MSH3: variants seen among roughly 807,000 people sequenced by gnomAD.
The protein encoded by MSH3 is mutS homolog 3.
A neutral mutation model predicts 123.3 loss-of-function variants in MSH3; 106 were observed. The observed-to-expected ratio is 0.86, with a 90% CI of 0.73 to 1.01. The LOEUF is 1.01. MSH3 is among the 50% of genes least tolerant of loss of function. The pLI, the probability that MSH3 is intolerant of heterozygous loss-of-function variation, is 0.00. For missense variants in MSH3, 1,459 were observed against 1,347.6 expected (o/e 1.08, Z -1.29); for synonymous variants, 515 against 481.4 (o/e 1.07, Z -0.91).
At chr5:80,772,725 C>T (rs755299796) in intron 15 of MSH3, among the ~76,000 whole-genome samples, 17 of 152,002 alleles carry the variant, frequency 1.1e-4, no homozygotes, top group Non-Finnish European at 2.4e-4. Flanking sequence ...CCTGTTCATT[C>T]TTAGAATGTT....
rs1750913417 is a variant in MSH3, at chr5:80,714,236, A to G, written c.1341-11217A>G. On this transcript the variant is annotated intron_variant, in intron 8 of 23. Coordinates refer to ENST00000265081, the MANE Select transcript of MSH3 (RefSeq NM_002439.5). Reference sequence around the variant, plus strand: ...CTGTAACCTCCGCCTCCCGGGTTCAAGCGATTCTCCTGCCTCAGCCTCCCG... The same window carrying G: ...CTGTAACCTCCGCCTCCCGGGTTCAGGCGATTCTCCTGCCTCAGCCTCCCG... Among the ~76,000 whole-genome samples the G allele has an allele frequency of 2.0e-5, 3 of 149,628 alleles. No individual in the cohort carries two copies. In the Admixed American group the frequency reaches 2.0e-4, roughly 10 times the overall value.
intron 19 of MSH3, among the ~76,000 whole-genome samples, chr5:80,805,035 T>C (rs1410883398): frequency 6.6e-6 from 1 of 152,244 alleles, no homozygotes; most frequent in Non-Finnish European, 1.5e-5. Context: ...ATGTTTGTTT[T>C]CTGATACATT....
chr5:80,772,566 C>T (rs767047207), intron 15 of MSH3, among the ~76,000 whole-genome samples: 1 of 152,142 alleles, frequency 6.6e-6, no homozygotes, highest in African/African-American at 2.4e-5. Context: ...TCAAGGCAGA[C>T]TACTCACATC....
chr5:80,778,491 T>A (rs565857408), intron 16 of MSH3, among the ~76,000 whole-genome samples: 1 of 152,314 alleles, frequency 6.6e-6, no homozygotes, highest in East Asian at 1.9e-4. Context: ...AACTCTGACT[T>A]TGCTATATGG....
At chr5:80,833,381 G>T (rs926950621) in intron 20 of MSH3, among the ~76,000 whole-genome samples, 3 of 152,104 alleles carry the variant, frequency 2.0e-5, no homozygotes, top group Non-Finnish European at 4.4e-5. Flanking sequence ...TAACATCATT[G>T]TCTAGTATAG....
chr5:80,788,827 A>C (rs1355340287), intron 18 of MSH3, among the ~76,000 whole-genome samples: 4 of 151,904 alleles, frequency 2.6e-5, no homozygotes, highest in Non-Finnish European at 5.9e-5. Flanking sequence ...AGAGAGATAG[A>C]ATTTAAAAAA....
intron 8 of MSH3, among the ~76,000 whole-genome samples, chr5:80,712,860 C>T (rs1283126478): frequency 2.0e-5 from 3 of 151,964 alleles, no homozygotes; most frequent in Admixed American, 1.3e-4. Context: ...TGGTTGTTCC[C>T]TACTGTGAGC....
chr5:80,762,443 A>G (rs1295791848), intron 13 of MSH3, among the ~76,000 whole-genome samples: 1 of 151,686 alleles, frequency 6.6e-6, no homozygotes, highest in East Asian at 1.9e-4. Context: ...GTATATATAT[A>G]TGTATATATA....
intron 19 of MSH3, among the ~76,000 whole-genome samples, chr5:80,810,172 C>CATACATATATATATATATATATAT (rs375421949): frequency 3.3e-5 from 4 of 121,588 alleles, no homozygotes; most frequent in African/African-American, 9.7e-5. Flanking sequence ...GTTTGACATA[C>CATACATATATATATATATATATAT]ATATATATAT....
At position 80,813,750 on chromosome 5, in the gene MSH3, G is replaced by A. The variant is rs369244653; in HGVS notation, c.2813+9G>A. 25 of 1,613,832 alleles carry A rather than the reference G, an allele frequency of 1.5e-5. No individual in the cohort carries two copies. In the Middle Eastern group the frequency reaches 2.0e-3, roughly 127 times the overall value. On this transcript the variant is annotated intron_variant, in intron 20 of 23. Coordinates refer to ENST00000265081, the MANE Select transcript of MSH3 (RefSeq NM_002439.5). ...GATGGCATTTTCACAAGGTAAGTAC[G>A]TTAATTCAGCTTGCATATATTCTTG... is the stretch of plus-strand genomic sequence containing the variant.
chr5:80,818,426 G>T (rs958151058), intron 20 of MSH3, among the ~76,000 whole-genome samples: 3 of 133,276 alleles, frequency 2.3e-5, no homozygotes, highest in South Asian at 2.5e-4. Context: ...AAAAAAAGGT[G>T]GGGGAGAGAG....
At chr5:80,700,493 T>C (rs1456982449) in intron 8 of MSH3, among the ~76,000 whole-genome samples, 1 of 152,214 alleles carries the variant, frequency 6.6e-6, no homozygotes, top group Non-Finnish European at 1.5e-5. Flanking sequence ...AAAAAATCTG[T>C]CATTTTGAAA....
intron 8 of MSH3, among the ~76,000 whole-genome samples, chr5:80,690,579 A>G (rs1750207714): frequency 6.6e-6 from 1 of 152,124 alleles, no homozygotes; most frequent in South Asian, 2.1e-4. Flanking sequence ...TGGCCTCCAA[A>G]TTGCTGGGAT....
In MSH3 at chr5:80,768,010, T is replaced by G. The variant is rs1245950359; in HGVS notation, c.1974T>G (p.Ala658=). The part of the protein sequence containing the change: ...LKSEFQAIIP[A]VNSHIQSDLL... ...CAGAATTTCAAGCAATAATACCTGC[T>G]GTTAATTCCCACATTCAGTCAGACT... Residue 658 remains alanine, a synonymous_variant, in exon 14 of 24, where the codon GCT becomes GCG. Transcript: ENST00000265081. The G allele has an allele frequency of 1.9e-6, 3 of 1,613,564 alleles. No homozygotes were observed. The highest frequency in any genetic ancestry group is 2.5e-6 in the Non-Finnish European group (3 of 1,179,680).
chr5:80,721,355 G>A (rs1382174593), intron 8 of MSH3, among the ~76,000 whole-genome samples: 1 of 152,094 alleles, frequency 6.6e-6, no homozygotes, highest in East Asian at 1.9e-4. Context: ...TGCATCACTG[G>A]TTTTGTGAAT....
At chr5:80,764,582 C>G (rs1438314279) in intron 13 of MSH3, among the ~76,000 whole-genome samples, 2 of 149,992 alleles carry the variant, frequency 1.3e-5, no homozygotes, top group Non-Finnish European at 3.0e-5. Context: ...AGGCTGGTCT[C>G]CAGCTCCTGG....
chr5:80,727,753 T>A (rs2112857042), intron 9 of MSH3, among the ~76,000 whole-genome samples: 1 of 151,958 alleles, frequency 6.6e-6, no homozygotes, highest in African/African-American at 2.4e-5. Flanking sequence ...ATTCTAATGG[T>A]GAGAGATGTA....
chr5:80,797,318 A>G (rs943096220), intron 19 of MSH3, among the ~76,000 whole-genome samples: 2 of 152,298 alleles, frequency 1.3e-5, no homozygotes, highest in Middle Eastern at 3.4e-3. Context: ...TCTGTCACCT[A>G]TGTGTAATCC....
At chr5:80,850,453 G>A (rs1335125330) in intron 20 of MSH3, among the ~76,000 whole-genome samples, 1 of 152,196 alleles carries the variant, frequency 6.6e-6, no homozygotes, top group African/African-American at 2.4e-5. Flanking sequence ...AAAAGAAAGA[G>A]GTTTACTGGA....
Sources: gnomAD v4.1 joint callset for allele counts (sites outside exome capture counted in the v4.1 genomes callset) on GRCh38, gnomAD v4.1.1 for gene constraint, MANE v1.5 for transcripts, NCBI Gene and HGNC (gene_info 2026-07-23, HGNC 2026-07-21) for gene names.